TANC2: variants seen among roughly 807,000 people sequenced by gnomAD.
The protein encoded by TANC2 is tetratricopeptide repeat, ankyrin repeat and coiled-coil containing 2.
In TANC2, 26 loss-of-function variants were observed where a neutral mutation model predicts 210.5. The observed-to-expected ratio is 0.12, with a 90% confidence interval of 0.09 to 0.17. The LOEUF (loss-of-function observed/expected upper bound fraction) is 0.17, where lower values mean the gene tolerates loss of function less well. Ranked by LOEUF, TANC2 falls within the 10% of genes least tolerant of loss-of-function variation. The pLI is 1.00. For missense variants in TANC2, 2,129 were observed against 2,608.9 expected (o/e 0.82, Z 4.01); for synonymous variants, 931 against 967.1 (o/e 0.96, Z 0.69).
chr17:63,408,017 C>G (rs2048570371), intron 21 of TANC2, among the ~76,000 whole-genome samples: 1 of 152,116 alleles, frequency 6.6e-6, no homozygotes. Flanking sequence ...TCTGGGGAGG[C>G]TTTAAAAATT....
intron 2 of TANC2, among the ~76,000 whole-genome samples, chr17:63,067,925 A>G (rs530716568): frequency 1.3e-5 from 2 of 152,326 alleles, no homozygotes; most frequent in African/African-American, 4.8e-5. Context: ...GAATTTGTCA[A>G]ATTTGGTAAA....
At chr17:63,242,088 G>A (rs544226951) in intron 8 of TANC2, among the ~76,000 whole-genome samples, 22 of 152,142 alleles carry the variant, frequency 1.4e-4, no homozygotes, top group Non-Finnish European at 2.4e-4. Context: ...TAATATATTC[G>A]TTCTCATTTT....
chr17:62,969,870 A>G (rs950337814), intron 1 of TANC2, among the ~76,000 whole-genome samples: 2 of 152,346 alleles, frequency 1.3e-5, no homozygotes, highest in African/African-American at 4.8e-5. Context: ...AAAAACTACC[A>G]TAATTAGCAC....
At chr17:63,285,991 G>A (rs2044209307) in intron 9 of TANC2, among the ~76,000 whole-genome samples, 2 of 152,124 alleles carry the variant, frequency 1.3e-5, no homozygotes, top group South Asian at 4.1e-4. Flanking sequence ...TCTGAGGGGA[G>A]CAGCCTCAGA....
chr17:63,140,751 T>C (rs2039259812), intron 4 of TANC2, among the ~76,000 whole-genome samples: 1 of 152,158 alleles, frequency 6.6e-6, no homozygotes, highest in Non-Finnish European at 1.5e-5. Context: ...AGAAACAGTT[T>C]TTTGTTTTGT....
chr17:63,352,401 A>G (rs1054118908), intron 13 of TANC2, among the ~76,000 whole-genome samples: 129 of 152,212 alleles, frequency 8.5e-4, no homozygotes, highest in African/African-American at 2.9e-3. Context: ...CACCTTACAG[A>G]TGTTTATTAT....
intron 1 of TANC2, among the ~76,000 whole-genome samples, chr17:63,002,960 T>C (rs924278264): frequency 2.6e-5 from 4 of 152,200 alleles, no homozygotes; most frequent in African/African-American, 9.7e-5. Context: ...ATTATGCATA[T>C]ATGTTTTAAT....
At chr17:63,194,382 C>T (rs780415791) in intron 6 of TANC2, among the ~76,000 whole-genome samples, 43 of 152,150 alleles carry the variant, frequency 2.8e-4, no homozygotes, top group Non-Finnish European at 5.3e-4. Context: ...ATAAAATTGA[C>T]ACGTATATAA....
At chr17:63,398,890 T>G in exon 19 of TANC2, 1 of 1,596,322 alleles carries the variant, frequency 6.3e-7, no homozygotes, top group East Asian at 2.3e-5. Flanking sequence ...GATCAACAGC[T>G]TTGACAGTCT....
intron 1 of TANC2, among the ~76,000 whole-genome samples, chr17:63,001,887 G>A (rs1335733277): frequency 6.6e-6 from 1 of 151,660 alleles, no homozygotes; most frequent in Non-Finnish European, 1.5e-5. Context: ...TATGGACAAT[G>A]GTATACAAAC....
At chr17:63,209,008 T>G (rs1286089348) in intron 7 of TANC2, among the ~76,000 whole-genome samples, 11 of 152,150 alleles carry the variant, frequency 7.2e-5, no homozygotes, top group Non-Finnish European at 1.0e-4. Flanking sequence ...CTTCCTAATT[T>G]TTTTTTTCAA....
At chr17:63,011,260 GCTT>G (rs1350930758) in intron 2 of TANC2, among the ~76,000 whole-genome samples, 1 of 151,726 alleles carries the variant, frequency 6.6e-6, no homozygotes, top group Non-Finnish European at 1.5e-5. Context: ...ACTACGTCAT[GCTT>G]CTTCTTATTG....
intron 2 of TANC2, among the ~76,000 whole-genome samples, chr17:63,059,149 C>T (rs919046109): frequency 6.6e-6 from 1 of 151,634 alleles, no homozygotes; most frequent in Non-Finnish European, 1.5e-5. Flanking sequence ...TTTTTAAAAT[C>T]TGTTAAGAGA....
At chr17:63,055,417 A>T (rs576714076) in intron 2 of TANC2, among the ~76,000 whole-genome samples, 4 of 151,068 alleles carry the variant, frequency 2.6e-5, no homozygotes, top group Non-Finnish European at 4.4e-5. Context: ...AAACAGCAGT[A>T]TTCTCTGATG....
intron 4 of TANC2, among the ~76,000 whole-genome samples, chr17:63,143,954 A>C (rs1390728543): frequency 6.6e-6 from 1 of 152,082 alleles, no homozygotes; most frequent in Non-Finnish European, 1.5e-5. Flanking sequence ...GGAGTTTGAA[A>C]CCAGCCTGAA....
chr17:63,408,650 G>A (rs1567994397), intron 21 of TANC2, among the ~76,000 whole-genome samples: 1 of 152,198 alleles, frequency 6.6e-6, no homozygotes, highest in Non-Finnish European at 1.5e-5. Context: ...TCAGGATTAA[G>A]GGATGGTCCC....
At chr17:63,416,670 G>A (rs2048871062) in intron 26 of TANC2, among the ~76,000 whole-genome samples, 1 of 152,150 alleles carries the variant, frequency 6.6e-6, no homozygotes, top group Non-Finnish European at 1.5e-5. Flanking sequence ...ACACAGCCAT[G>A]ACCTTCAGAG....
intron 1 of TANC2, among the ~76,000 whole-genome samples, chr17:62,996,760 A>AT (rs2033128117): frequency 6.6e-6 from 1 of 150,442 alleles, no homozygotes; most frequent in Non-Finnish European, 1.5e-5. Context: ...TTGTGATTGT[A>AT]TTTTTTAGAG....
At chr17:63,001,880 G>GCC (rs1479031895) in intron 1 of TANC2, among the ~76,000 whole-genome samples, 5 of 151,912 alleles carry the variant, frequency 3.3e-5, no homozygotes, top group African/African-American at 1.2e-4. Flanking sequence ...GATTTGATAT[G>GCC]GACAATGGTA....
Sources: allele counts gnomAD v4.1 joint callset (sites outside exome capture counted in the v4.1 genomes callset), GRCh38; gene constraint gnomAD v4.1.1; transcripts MANE v1.5; gene names NCBI Gene and HGNC (gene_info 2026-07-23, HGNC 2026-07-21).